Variants in TEX9 observed in about 807,000 individuals in gnomAD.
The protein encoded by TEX9 is testis-expressed protein 9.
In TEX9, 74 loss-of-function variants were observed where a neutral mutation model predicts 59.6. The observed-to-expected ratio is 1.24, with a 90% confidence interval of 1.03 to 1.51. The LOEUF (loss-of-function observed/expected upper bound fraction) is 1.51, where lower values mean the gene tolerates loss of function less well. Among genes scored for constraint, TEX9 ranks in the 40% most tolerant of loss-of-function variants. The probability of loss-of-function intolerance (pLI) is 0.00; values close to 1 mark genes in which losing one functional copy is unlikely to be tolerated. For missense variants in TEX9, 522 were observed against 447.8 expected, an observed-to-expected ratio of 1.17 and a Z score of -1.49; for synonymous variants, 186 against 152.2, an observed-to-expected ratio of 1.22 and a Z score of -1.64.
chr15:56,424,771 T>G (rs1238900824), intron 10 of TEX9, among the ~76,000 whole-genome samples: 3 of 152,196 alleles, frequency 2.0e-5, no homozygotes, highest in African/African-American at 4.8e-5. Context: ...AGTGAAAGAA[T>G]GAAAAGTGAG....
chr15:56,351,313 G>A (rs1247247996), intron 1 of TEX9, among the ~76,000 whole-genome samples: 1 of 152,116 alleles, frequency 6.6e-6, no homozygotes, highest in African/African-American at 2.4e-5. Flanking sequence ...AGATAATGAA[G>A]TCATGATAGG....
intron 1 of TEX9, among the ~76,000 whole-genome samples, chr15:56,265,745 T>C (rs1292068543): frequency 6.6e-6 from 1 of 152,212 alleles, no homozygotes; most frequent in Non-Finnish European, 1.5e-5. Flanking sequence ...TGTTGTTTGT[T>C]TTAAGGCCCA....
At chr15:56,379,811 A>T (rs958194512) in intron 3 of TEX9, among the ~76,000 whole-genome samples, 16 of 150,014 alleles carry the variant, frequency 1.1e-4, no homozygotes, top group Non-Finnish European at 2.1e-4. Context: ...GTCTCTTCTT[A>T]CATTTTTTGT....
At chr15:56,363,060 G>C (rs1451076393), upstream of TEX9, among the ~76,000 whole-genome samples, 2 of 152,024 alleles carry the variant, frequency 1.3e-5, no homozygotes, top group Non-Finnish European at 2.9e-5. Context: ...ATAAACATTT[G>C]TACATATACT....
chr15:56,429,342 CTTTTCAAAAAA>C (rs2050490903), intron 12 of TEX9: 1 of 576,964 alleles, frequency 1.7e-6, no homozygotes, highest in African/African-American at 2.0e-5. Flanking sequence ...AAAATCAATA[CTTTTCAAAAAA>C]TAAGACTTTA....
chr15:56,394,011 G>C (rs989620612), intron 7 of TEX9, 154 bp from the exon 8 acceptor site: 25 of 539,324 alleles, frequency 4.6e-5, no homozygotes, highest in Non-Finnish European at 7.5e-5. Flanking sequence ...TTTTCATTAG[G>C]ACTGTTGAGT....
At chr15:56,317,815 T>G (rs1347653858) in intron 1 of TEX9, among the ~76,000 whole-genome samples, 1 of 152,176 alleles carries the variant, frequency 6.6e-6, no homozygotes, top group African/African-American at 2.4e-5. Flanking sequence ...ATCTGAGAAT[T>G]TTCCAAATTT....
intron 12 of TEX9, chr15:56,443,663 T>C (rs781726494): frequency 1.2e-6 from 2 of 1,613,116 alleles, no homozygotes; most frequent in African/African-American, 2.7e-5. Context: ...TAGCCTTTTC[T>C]CCTCATTTTC....
intron 9 of TEX9, chr15:56,397,187 G>A (rs1288020457): frequency 6.0e-6 from 1 of 165,818 alleles, no homozygotes; most frequent in African/African-American, 2.4e-5. Context: ...GAACTTGTTA[G>A]GAACTAGAGC....
At chr15:56,312,910 G>A (rs2045659043) in intron 1 of TEX9, among the ~76,000 whole-genome samples, 2 of 123,236 alleles carry the variant, frequency 1.6e-5, no homozygotes. Context: ...TGAAGCAATT[G>A]TGAATGGGAG....
At chr15:56,432,710 T>G (rs1244433207) in intron 12 of TEX9, among the ~76,000 whole-genome samples, 1 of 152,188 alleles carries the variant, frequency 6.6e-6, no homozygotes, top group Non-Finnish European at 1.5e-5. Context: ...TCCAGGAGCT[T>G]TCTCCTATCC....
intron 1 of TEX9, among the ~76,000 whole-genome samples, chr15:56,296,746 T>C (rs1429209206): frequency 6.6e-6 from 1 of 152,220 alleles, no homozygotes; most frequent in East Asian, 1.9e-4. Context: ...GTCTAGGGAA[T>C]TCATGTCAAA....
chr15:56,430,196 C>T (rs1293126354), intron 12 of TEX9, 42 bp downstream of exon 12: 1 of 152,042 alleles, frequency 6.6e-6, no homozygotes, highest in Non-Finnish European at 1.5e-5. Flanking sequence ...TTTATGTGGC[C>T]TATGAAACTG....
At chr15:56,319,981 A>G (rs1298936164) in intron 1 of TEX9, among the ~76,000 whole-genome samples, 1 of 152,148 alleles carries the variant, frequency 6.6e-6, no homozygotes, top group Admixed American at 6.5e-5. Flanking sequence ...ATCAGGCTGA[A>G]CAGAGACAAA....
At position 56,372,662 on chromosome 15, in the gene TEX9, CAG is replaced by C. The variant is rs539535352; in HGVS notation, c.120-778_120-777del. On this transcript the variant is annotated intron_variant, in intron 2 of 12. Coordinates refer to ENST00000352903, the Ensembl canonical transcript of TEX9. ...TTCCTTTTATATTGCTGTGGGAAAA[CAG>C]TACAAAATTGTGTGTATGCTATAGA... Among the ~76,000 whole-genome samples the C allele has an allele frequency of 2.3e-3, 347 of 152,084 alleles. 1 individual carries two copies. The highest frequency in any genetic ancestry group is 5.4e-3 in the South Asian group (26 of 4,816).
intron 1 of TEX9, among the ~76,000 whole-genome samples, chr15:56,271,077 T>G (rs1196616171): frequency 6.6e-6 from 1 of 152,186 alleles, no homozygotes; most frequent in Non-Finnish European, 1.5e-5. Flanking sequence ...ATTTTTCCCT[T>G]CATTTCAACC....
chr15:56,412,792 A>C (rs1485010822), intron 10 of TEX9, among the ~76,000 whole-genome samples: 1 of 152,154 alleles, frequency 6.6e-6, no homozygotes, highest in African/African-American at 2.4e-5. Context: ...TCAGTTTTCT[A>C]ATAGATAAAG....
At chr15:56,399,223 G>T (rs1016242018) in intron 9 of TEX9, among the ~76,000 whole-genome samples, 3 of 152,210 alleles carry the variant, frequency 2.0e-5, no homozygotes, top group Non-Finnish European at 4.4e-5. Context: ...AGCCATGACA[G>T]ACTGTACCTG....
chr15:56,277,305 A>G (rs2044695061), intron 1 of TEX9, among the ~76,000 whole-genome samples: 1 of 152,012 alleles, frequency 6.6e-6, no homozygotes, highest in African/African-American at 2.4e-5. Flanking sequence ...TTATGGTTTT[A>G]GGTTTTACGT....
Sources: allele counts gnomAD v4.1 joint callset (sites outside exome capture counted in the v4.1 genomes callset), GRCh38; gene constraint gnomAD v4.1.1; transcripts MANE v1.5; gene names NCBI Gene and HGNC (gene_info 2026-07-23, HGNC 2026-07-21).